SH3TC2: variants seen among roughly 807,000 people sequenced by gnomAD.
SH3TC2 encodes SH3 domain and tetratricopeptide repeat-containing protein 2.
Under a neutral mutation model 124.5 loss-of-function variants are expected in SH3TC2, and 87 were observed. The ratio of observed to expected loss-of-function variants is 0.70; its 90% CI spans 0.59 to 0.84. The LOEUF is 0.84. Ranked by LOEUF, SH3TC2 falls within the 40% of genes least tolerant of loss-of-function variation. The pLI, the probability that SH3TC2 is intolerant of heterozygous loss-of-function variation, is 0.00. For synonymous variants in SH3TC2, 634 were observed against 628.5 expected, an observed-to-expected ratio of 1.01 and a Z score of -0.13; for missense variants, 1,536 against 1,566.4, an observed-to-expected ratio of 0.98 and a Z score of 0.33.
In SH3TC2 at chr5:149,003,849, C is replaced by CAAA. The variant is rs5872107; in HGVS notation, c.*859_*861dup. Reference sequence around the variant, plus strand: ...CTGGGCAACAGAGGAGAAACTGTCTCAAAAAAAAAAAAAAAAAAAAAAGAC... The same window carrying CAAA: ...CTGGGCAACAGAGGAGAAACTGTCTCAAAAAAAAAAAAAAAAAAAAAAAAAGAC... On this transcript the variant is annotated 3_prime_UTR_variant, in exon 17 of 17. Transcript: ENST00000515425. 617 of 171,680 alleles carry CAAA rather than the reference C, an allele frequency of 3.6e-3. No individual in the cohort carries two copies. The highest frequency in any genetic ancestry group is 0.01 in the South Asian group (235 of 23,314). 10.6% of individuals were successfully genotyped at this position (171,680 alleles called of 1,614,324 possible). A position where few individuals can be genotyped will look rare whatever the true frequency, so the allele number is the denominator to read the frequency against.
At chr5:149,008,689 T>C (rs1283026646) in intron 15 of SH3TC2, 162 bp downstream of exon 15, 3 of 940,054 alleles carry the variant, frequency 3.2e-6, no homozygotes, top group Non-Finnish European at 5.1e-6. Context: ...TTGAGGCTTA[T>C]AGAAGTTAAG....
In SH3TC2 at chr5:148,988,380, C is replaced by A. The variant is rs932537049; in HGVS notation, c.*16331G>T. On this transcript the variant is annotated 3_prime_UTR_variant, in exon 17 of 17. Coordinates refer to ENST00000515425, the MANE Select transcript of SH3TC2 (RefSeq NM_024577.4). The stretch of plus-strand genomic sequence containing the variant: ...TGCCATTGAGTAATCCCCTCCTATA[C>A]CAGCTCTAGGCTGGCTTTGTATAAC... Among the ~76,000 whole-genome samples, 26 of 152,264 alleles carry A rather than the reference C, an allele frequency of 1.7e-4. No homozygotes were observed. The highest frequency in any genetic ancestry group is 6.0e-4 in the African/African-American group (25 of 41,560).
rs1246060970 is a variant in SH3TC2, at chr5:148,994,481, T to C, written c.*10230A>G. On this transcript the variant is annotated 3_prime_UTR_variant, in exon 17 of 17. Transcript: ENST00000515425. ...CTTGCCCTGGAGCCCATAGGACTTATGAAGACAGGGACTGTCATTATCTTG... is the reference window on the plus strand; with the variant it reads ...CTTGCCCTGGAGCCCATAGGACTTACGAAGACAGGGACTGTCATTATCTTG... 1.3e-5 allele frequency among the ~76,000 whole-genome samples: 2 copies of C among 152,248 alleles called. No individual in the cohort carries two copies. Among genetic ancestry groups the C allele is most frequent in the Non-Finnish European group, 2.9e-5 (2 of 68,046 alleles).
intron 8 of SH3TC2, among the ~76,000 whole-genome samples, chr5:149,036,966 C>T (rs1754293133): frequency 6.6e-6 from 1 of 152,144 alleles, no homozygotes; most frequent in Admixed American, 6.5e-5. Context: ...ATGATGCATG[C>T]CTCCCCCAAA....
intron 4 of SH3TC2, chr5:149,044,164 T>G (rs10042467): frequency 8.3e-4 from 201 of 243,506 alleles, no homozygotes; most frequent in African/African-American, 4.1e-3. Context: ...GAGCAGCTAC[T>G]TCGATCTTAC....
intron 8 of SH3TC2, among the ~76,000 whole-genome samples, chr5:149,036,841 G>C (rs1168236031): frequency 6.6e-6 from 1 of 152,108 alleles, no homozygotes; most frequent in Non-Finnish European, 1.5e-5. Context: ...AAAGCTCCTG[G>C]AATCTTTGAC....
Position 149,015,436 on chromosome 5 carries a change from G to A in SH3TC2, c.3054-2702C>T, listed in dbSNP as rs115958428. ...CCAATTCCTCCAGCCGCCACCCACA[G>A]ACTCTAGGTTTGGTTTGGCTTCCAA... On this transcript the variant is annotated intron_variant, in intron 12 of 16. Transcript: ENST00000515425. 6.3e-3 allele frequency among the ~76,000 whole-genome samples: 965 copies of A among 152,314 alleles called. 8 individuals carry two copies. Among genetic ancestry groups the A allele is most frequent in the Non-Finnish European group, 0.011 (715 of 68,030 alleles).
chr5:149,010,839 GAATTT>G (rs1265697500), intron 13 of SH3TC2, among the ~76,000 whole-genome samples: 1 of 152,148 alleles, frequency 6.6e-6, no homozygotes, highest in Non-Finnish European at 1.5e-5. Flanking sequence ...GCAAAACTAT[GAATTT>G]AATATGTAAA....
At position 149,004,876 on chromosome 5, in the gene SH3TC2, G is replaced by C. The variant is rs1418411593; in HGVS notation, c.3702C>G (p.Phe1234Leu). ...GGACCGCTGCTGCCAGGGCCAGAAG[G>C]AAGTACTCAGTGGCATCATGGGCAT... ...LKDAHDATEY[F>L]LLALAAAVLL... The change falls in exon 17 of 17, where the codon TTC (phenylalanine) becomes TTG (leucine). Residue 1234 changes from phenylalanine (F) to leucine (L), a missense_variant. Coordinates refer to ENST00000515425, the MANE Select transcript of SH3TC2 (RefSeq NM_024577.4). 1 of 1,614,240 alleles carries C rather than the reference G, an allele frequency of 6.2e-7. No homozygotes were observed. Among genetic ancestry groups the C allele is most frequent in the East Asian group, 2.2e-5 (1 of 44,880 alleles).
Position 149,012,701 on chromosome 5 carries a change from C to T in SH3TC2, c.3087G>A (p.Glu1029=), listed in dbSNP as rs1753805044. Residue 1029 remains glutamate (E), a synonymous_variant, in exon 13 of 17, where the codon GAG becomes GAA. Transcript: ENST00000515425. ...SLRRSLTCIK[E]SLRIFIDLGE... is the part of the protein sequence containing the mutation. ...CCAGGTCAATGAAGATACGCAGGCTCTCCTTGATGCATGTGAGTGACCTCC... is the reference window on the plus strand; with the variant it reads ...CCAGGTCAATGAAGATACGCAGGCTTTCCTTGATGCATGTGAGTGACCTCC... The T allele has an allele frequency of 6.2e-7, 1 of 1,614,020 alleles. No individual in the cohort carries two copies. The highest frequency in any genetic ancestry group is 1.7e-5 in the Admixed American group (1 of 60,004).
At chr5:149,016,798 G>C (rs935457918) in intron 12 of SH3TC2, among the ~76,000 whole-genome samples, 1 of 151,838 alleles carries the variant, frequency 6.6e-6, no homozygotes, top group Non-Finnish European at 1.5e-5. Flanking sequence ...GGTGGCGGGC[G>C]CCTGTAGTCC....
intron 12 of SH3TC2, among the ~76,000 whole-genome samples, chr5:149,020,970 A>G (rs1367234909): frequency 6.6e-6 from 1 of 152,152 alleles, no homozygotes; most frequent in Non-Finnish European, 1.5e-5. Context: ...ACACCAAACA[A>G]CAACAGAATA....
At chr5:149,015,995 C>T (rs536542433) in intron 12 of SH3TC2, among the ~76,000 whole-genome samples, 14 of 152,234 alleles carry the variant, frequency 9.2e-5, no homozygotes, top group Non-Finnish European at 1.6e-4. Flanking sequence ...TTTTTTGAAA[C>T]GTATCTAAGT....
Position 148,987,807 on chromosome 5 carries a change from ATC to A in SH3TC2, c.*16902_*16903del, listed in dbSNP as rs1561749446. 8.6e-6 allele frequency among the ~76,000 whole-genome samples: 1 copy of A among 116,718 alleles called. No homozygotes were observed. Among genetic ancestry groups the A allele is most frequent in the Admixed American group, 9.1e-5 (1 of 11,034 alleles). The allele number at this position is 116,718 out of a possible 152,430, so 76.6% of individuals were successfully genotyped here. On this transcript the variant is annotated 3_prime_UTR_variant, in exon 17 of 17. Coordinates refer to ENST00000515425, the MANE Select transcript of SH3TC2 (RefSeq NM_024577.4). ...GTCCTCACTCGAGGCCTCATTCAAAATCTGTGTGTGTGTGTGTGTGTGTGTGT... is the reference window on the plus strand; with the variant it reads ...GTCCTCACTCGAGGCCTCATTCAAAATGTGTGTGTGTGTGTGTGTGTGTGT...
In SH3TC2 at chr5:148,990,173, TTC is replaced by T. The variant is rs1753399453; in HGVS notation, c.*14536_*14537del. On this transcript the variant is annotated 3_prime_UTR_variant, in exon 17 of 17. Coordinates refer to ENST00000515425, the MANE Select transcript of SH3TC2 (RefSeq NM_024577.4). Reference sequence around the variant, plus strand: ...GCGCTAGGCTACTCTGTTTTGTTCTTTCTCTGATTTATTCCTGTCTCTGCTTG... The same window carrying T: ...GCGCTAGGCTACTCTGTTTTGTTCTTTCTGATTTATTCCTGTCTCTGCTTG... 6.6e-6 allele frequency among the ~76,000 whole-genome samples: 1 copy of T among 152,062 alleles called. No individual in the cohort carries two copies. The highest frequency in any genetic ancestry group is 2.4e-5 in the African/African-American group (1 of 41,412).
intron 1 of SH3TC2, among the ~76,000 whole-genome samples, chr5:149,061,487 T>C (rs1179501176): frequency 1.3e-5 from 2 of 152,212 alleles, no homozygotes; most frequent in African/African-American, 4.8e-5. Context: ...TGTGCTCAAC[T>C]AACTGTGCAC....
chr5:149,030,426 C>T (rs1754169819), intron 9 of SH3TC2, among the ~76,000 whole-genome samples: 1 of 152,232 alleles, frequency 6.6e-6, no homozygotes, highest in Non-Finnish European at 1.5e-5. Flanking sequence ...ATCCTCCCCA[C>T]CACTGGACCA....
Position 149,044,643 on chromosome 5 carries a change from G to A in SH3TC2, c.280-5C>T, listed in dbSNP as rs201937366. Reference sequence around the variant, plus strand: ...GACCAACCTTGCTGAGAGGTCCTACGTAAAGGAAACAATGAGTCAGCCTGG... The same window carrying A: ...GACCAACCTTGCTGAGAGGTCCTACATAAAGGAAACAATGAGTCAGCCTGG... On this transcript the variant is annotated splice_polypyrimidine_tract_variant and splice_region_variant and intron_variant, in intron 3 of 16. Transcript: ENST00000515425. 8.1e-5 allele frequency: 131 copies of A among 1,610,948 alleles called. No individual in the cohort carries two copies. The Middle Eastern group carries it at 1.2e-3, about 14-fold the overall frequency.
rs554332332 is a variant in SH3TC2, at chr5:149,018,607, T to C, written c.3054-5873A>G. ...GAAGAGTATGGGGGAAACCGTGCCA[T>C]GATTCAATTACCTCCCACCAGGTCC... On this transcript the variant is annotated intron_variant, in intron 12 of 16. Transcript: ENST00000515425. Among the ~76,000 whole-genome samples the C allele has an allele frequency of 1.8e-3, 272 of 152,272 alleles. 1 individual carries two copies. Among genetic ancestry groups the C allele is most frequent in the Admixed American group, 4.6e-3 (71 of 15,290 alleles).
Sources: allele counts gnomAD v4.1 joint callset (sites outside exome capture counted in the v4.1 genomes callset), GRCh38; gene constraint gnomAD v4.1.1; transcripts MANE v1.5; gene names NCBI Gene and HGNC (gene_info 2026-07-23, HGNC 2026-07-21).